CDH26: variants seen among roughly 807,000 people sequenced by gnomAD.
CDH26 encodes cadherin-like protein 26.
CDH26 carries 83 observed loss-of-function variants against 90.3 expected under a neutral mutation model. The ratio of observed to expected loss-of-function variants is 0.92; its 90% CI spans 0.77 to 1.10. The LOEUF is 1.10. CDH26 is among the 50% of genes least tolerant of loss of function. CDH26 has a pLI of 0.00. For synonymous variants in CDH26, 397 were observed against 396.3 expected, an observed-to-expected ratio of 1.00 and a Z score of -0.02; for missense variants, 1,013 against 1,037.6, an observed-to-expected ratio of 0.98 and a Z score of 0.33.
chr20:60,022,545 G>T (rs904859853), intron 7 of CDH26, among the ~76,000 whole-genome samples: 1 of 152,168 alleles, frequency 6.6e-6, no homozygotes, highest in Non-Finnish European at 1.5e-5. Context: ...AACACTGACC[G>T]AGGAGACCTC....
intron 15 of CDH26, 77 bp from the exon 16 acceptor site, chr20:60,002,735 CT>C: frequency 8.9e-7 from 1 of 1,118,354 alleles, no homozygotes; most frequent in Non-Finnish European, 1.3e-6. Flanking sequence ...GGCAATATGA[CT>C]GCAAGAATTT....
chr20:59,969,070 A>C, intron 2 of CDH26, 47 bp downstream of exon 2: 1 of 1,213,204 alleles, frequency 8.2e-7, no homozygotes, highest in Non-Finnish European at 1.2e-6. Context: ...CAGTCTCTAC[A>C]CTTGACTTAG....
rs41314912 is a variant in CDH26 at position 60,001,394 on chromosome 20, T to C, written c.2149T>C (p.Cys717Arg). ...SAASQSAQAR[C>R]ALGSWGYGKP... is the part of the protein sequence containing the mutation. ...AGCGAGTCAGTCAGCCCAAGCACGC[T>C]GTGCTCTGGGGAGCTGGGTGAGTTC... The change falls in exon 15 of 18, where the codon TGT (cysteine) becomes CGT (arginine). Residue 717 changes from cysteine to arginine, a missense_variant. Transcript: ENST00000348616. 2 of 1,614,022 alleles carry C rather than the reference T, an allele frequency of 1.2e-6. No homozygotes were observed. The highest frequency in any genetic ancestry group is 2.2e-5 in the East Asian group (1 of 44,878).
At position 60,005,258 on chromosome 20, in the gene CDH26, TAG is replaced by T. The variant is rs376263903; in HGVS notation, c.2221-1453_2221-1452del. Among the ~76,000 whole-genome samples, 39 of 152,318 alleles carry T rather than the reference TAG, an allele frequency of 2.6e-4. No individual in the cohort carries two copies. The South Asian group carries it at 7.7e-3, about 30-fold the overall frequency. On this transcript the variant is annotated intron_variant, in intron 16 of 17. Coordinates refer to ENST00000348616, the MANE Select transcript of CDH26 (RefSeq NM_177980.4). ...TATTGGAAAAGCTTCCAGTCAACAGTAGACTGTTAGTTGAGTTTTCGGGGAAT... is the reference window on the plus strand; with the variant it reads ...TATTGGAAAAGCTTCCAGTCAACAGTACTGTTAGTTGAGTTTTCGGGGAAT...
intron 11 of CDH26, 90 bp downstream of exon 11, chr20:59,994,579 T>G (rs944071092): frequency 6.7e-7 from 1 of 1,499,602 alleles, no homozygotes; most frequent in African/African-American, 1.4e-5. Context: ...TTTATTAGCT[T>G]AAAAAACCGG....
At chr20:59,964,302 A>C (rs2061117614) in intron 1 of CDH26, among the ~76,000 whole-genome samples, 1 of 152,228 alleles carries the variant, frequency 6.6e-6, no homozygotes, top group Non-Finnish European at 1.5e-5. Context: ...TATTGGTTAC[A>C]TGCCCCAGGT....
At chr20:59,967,957 A>ATCTATCTTTCTTTCTT (rs1488730054) in intron 1 of CDH26, among the ~76,000 whole-genome samples, 10 of 59,562 alleles carry the variant, frequency 1.7e-4, no homozygotes, top group African/African-American at 8.3e-4. Context: ...CTTTCTTTCT[A>ATCTATCTTTCTTTCTT]TCTTTCTTTC....
chr20:60,012,550 G>A lies in CDH26; in HGVS notation c.2319G>A (p.Leu773=), dbSNP rs544731251. 7 of 1,613,844 alleles carry A rather than the reference G, an allele frequency of 4.3e-6. No homozygotes were observed. The highest frequency in any genetic ancestry group is 5.9e-6 in the Non-Finnish European group (7 of 1,179,910). The change falls in exon 18 of 18, where the codon CTG becomes CTA. Residue 773 remains leucine, a synonymous_variant. Transcript: ENST00000348616. ...LNQKLHVANV[L]EDDPGYLPHV... ...AGAAACTCCATGTTGCCAATGTGCT[G>A]GAAGATGACCCCGGCTACCTACCTC...
intron 16 of CDH26, among the ~76,000 whole-genome samples, chr20:60,005,157 C>A (rs1470538730): frequency 6.6e-6 from 1 of 152,092 alleles, no homozygotes; most frequent in Admixed American, 6.5e-5. Context: ...CATTTTCTTT[C>A]TTCTAGCTTA....
chr20:59,962,638 G>A (rs1199216431), intron 1 of CDH26, among the ~76,000 whole-genome samples: 1 of 152,154 alleles, frequency 6.6e-6, no homozygotes, highest in African/African-American at 2.4e-5. Flanking sequence ...CCCGTTCACA[G>A]GTACTGGGAA....
rs1224277997 is a variant in CDH26, at chr20:59,992,379, T to A, written c.1285T>A (p.Tyr429Asn). The A allele has an allele frequency of 1.2e-6, 2 of 1,613,432 alleles. No homozygotes were observed. Among genetic ancestry groups the A allele is most frequent in the South Asian group, 2.2e-5 (2 of 90,940 alleles). Residue 429 changes from tyrosine (Y) to asparagine (N), a missense_variant and splice_region_variant, in exon 10 of 18, where the codon TAT (tyrosine) becomes AAT (asparagine). Coordinates refer to ENST00000348616, the MANE Select transcript of CDH26 (RefSeq NM_177980.4). This position sits in a 1 kb window ranked among gnomAD's most constrained non-coding sequence, Gnocchi z 5.0. Reference protein sequence around the residue: ...NAMDPDSQIRYELVHDPANWV... With the variant: ...NAMDPDSQIRNELVHDPANWV... ...TGCTGTCCGTTTTCCTTCTACAAGA[T>A]ATGAACTGGTTCATGACCCAGCAAA...
At position 60,012,839 on chromosome 20, in the gene CDH26, C is replaced by G. The variant is rs2061866006; in HGVS notation, c.*109C>G. ...CCCTCCTTAAAAGAAAAATTACCTT[C>G]TAGTCCTAGGATGAGGACACACTAT... On this transcript the variant is annotated 3_prime_UTR_variant, in exon 18 of 18. Transcript: ENST00000348616. 1.1e-5 allele frequency: 11 copies of G among 975,510 alleles called. No homozygotes were observed. Among genetic ancestry groups the G allele is most frequent in the Non-Finnish European group, 1.5e-5 (10 of 656,598 alleles). The allele number at this position is 975,510 out of a possible 1,614,324, so 60.4% of individuals were successfully genotyped here.
In CDH26 at chr20:60,031,385, G is replaced by A. The variant is rs768471837; in HGVS notation, c.1103G>A (p.Arg368Gln). The change falls in exon 8 of 9, where the codon CGA (arginine) becomes CAA (glutamine). Residue 368 changes from arginine to glutamine, a missense_variant. Arg to Gln is a conservative substitution (Grantham distance 43). Coordinates refer to the CDH26 transcript ENST00000370991. ...AAACGGAAACACGGGGCTTTGGCTC[G>A]AACACCCTCTTTCAAGAAAGTTGTT... 8 of 1,237,812 alleles carry A rather than the reference G, an allele frequency of 6.5e-6. No individual in the cohort carries two copies. In the African/African-American group the frequency reaches 1.1e-4, roughly 17 times the overall value. 76.7% of individuals were successfully genotyped at this position (1,237,812 alleles called of 1,614,324 possible).
intron 1 of CDH26, 40 bp downstream of exon 1, chr20:59,958,835 C>T: frequency 6.3e-7 from 1 of 1,594,560 alleles, no homozygotes; most frequent in Non-Finnish European, 8.6e-7. Context: ...GTGCAGGGAA[C>T]TGAAAGCAAA....
At position 59,992,480 on chromosome 20, in the gene CDH26, TA is replaced by T; in HGVS notation, c.1388del (p.Asn463ThrfsTer5). ...TTGACCGAGAATCCCCTCATGTAAA[TA>T]ACAGTTTTTATGTAATCATCATTCA... ...PIDRESPHVN[N>X]SFYVIIIHAV... On this transcript the variant is annotated frameshift_variant, in exon 10 of 18. Coordinates refer to ENST00000348616, the MANE Select transcript of CDH26 (RefSeq NM_177980.4). LOFTEE classifies it high-confidence loss of function. The surrounding 1 kb of genome is among the most constrained non-coding windows in gnomAD (Gnocchi z 5.0). 6.2e-7 allele frequency: 1 copy of T among 1,614,152 alleles called. No individual in the cohort carries two copies. Among genetic ancestry groups the T allele is most frequent in the Admixed American group, 1.7e-5 (1 of 60,012 alleles).
rs768040123 is a variant in CDH26 at position 59,987,544 on chromosome 20, G to T, written c.929G>T (p.Arg310Ile). The T allele has an allele frequency of 1.9e-6, 3 of 1,614,088 alleles. No individual in the cohort carries two copies. Among genetic ancestry groups the T allele is most frequent in the African/African-American group, 1.3e-5 (1 of 75,046 alleles). The change falls in exon 8 of 18, where the codon AGA becomes ATA. Residue 310 changes from arginine to isoleucine, a missense_variant. Transcript: ENST00000348616. ...DRDSPFTSAW[R>I]AKFNILHGNE... ...GATTCTCCATTTACATCAGCTTGGA[G>T]AGCAAAATTCAACATATTGCATGGC...
intron 7 of CDH26, among the ~76,000 whole-genome samples, chr20:60,022,876 A>C (rs1601224819): frequency 6.6e-6 from 1 of 152,358 alleles, no homozygotes; most frequent in South Asian, 2.1e-4. Context: ...GGCTGCAGAG[A>C]CTGCTGATTG....
intron 12 of CDH26, 187 bp from the exon 13 acceptor site, chr20:59,996,443 CA>C: frequency 6.3e-7 from 1 of 1,589,290 alleles, no homozygotes; most frequent in Non-Finnish European, 8.6e-7. Context: ...ATTAATTCAA[CA>C]AACAGTTATG....
Position 59,958,595 on chromosome 20 carries a change from G to C in CDH26, c.-132G>C, listed in dbSNP as rs1003761087. 8 of 797,934 alleles carry C rather than the reference G, an allele frequency of 1.0e-5. No homozygotes were observed. Among genetic ancestry groups the C allele is most frequent in the Non-Finnish European group, 1.7e-5 (8 of 469,216 alleles). 49.4% of individuals were successfully genotyped at this position (797,934 alleles called of 1,614,324 possible). A position where few individuals can be genotyped will look rare whatever the true frequency, so the allele number is the denominator to read the frequency against. ...GAGCAAGATGGGATGAAAGCATCTG[G>C]GCCAAAGTGACCTGAAAACCTTTAG... On this transcript the variant is annotated 5_prime_UTR_variant, in exon 1 of 18. Transcript: ENST00000348616.
Sources: allele counts gnomAD v4.1 joint callset (sites outside exome capture counted in the v4.1 genomes callset), GRCh38; gene constraint gnomAD v4.1.1; non-coding constraint Gnocchi (gnomAD v3.1); transcripts MANE v1.5; gene names NCBI Gene and HGNC (gene_info 2026-07-23, HGNC 2026-07-21).